The following LTBP1 variants were observed in gnomAD, a reference collection of about 807,000 sequenced individuals.
LTBP1 encodes the protein latent transforming growth factor beta binding protein 1, also known as latent-transforming growth factor beta-binding protein 1.
Under a neutral mutation model 207.6 loss-of-function variants are expected in LTBP1, and 129 were observed. The ratio of observed to expected loss-of-function variants is 0.62; its 90% CI spans 0.54 to 0.72. The LOEUF is 0.72. Ranked by LOEUF, LTBP1 falls within the 30% of genes least tolerant of loss-of-function variation. LTBP1 has a pLI of 0.00. For synonymous variants in LTBP1, 963 were observed against 833.7 expected (o/e 1.16, Z -2.67); for missense variants, 2,281 against 2,217.2 (o/e 1.03, Z -0.58).
intron 3 of LTBP1, among the ~76,000 whole-genome samples, chr2:33,081,792 C>T (rs2078425116): frequency 6.6e-6 from 1 of 151,964 alleles, no homozygotes; most frequent in Non-Finnish European, 1.5e-5. Flanking sequence ...GGGCGGTTAC[C>T]CTCATGCTTT....
intron 7 of LTBP1, among the ~76,000 whole-genome samples, chr2:33,192,464 A>C (rs2088007140): frequency 6.6e-6 from 1 of 151,908 alleles, no homozygotes; most frequent in Admixed American, 6.6e-5. Context: ...AAAACATCAC[A>C]CTCAGACAGA....
intron 24 of LTBP1, among the ~76,000 whole-genome samples, chr2:33,321,548 G>A (rs906298202): frequency 6.6e-6 from 1 of 152,172 alleles, no homozygotes; most frequent in Non-Finnish European, 1.5e-5. Flanking sequence ...TTCTATGAAC[G>A]GGGGAGAATG....
intron 31 of LTBP1, among the ~76,000 whole-genome samples, chr2:33,378,221 G>T (rs866581389): frequency 1.1e-4 from 15 of 140,316 alleles, no homozygotes; most frequent in African/African-American, 3.9e-4. Flanking sequence ...GTGTGTGTGT[G>T]TTTTGTTTGT....
At chr2:32,959,619 ATAT>A (rs1474169851) in intron 2 of LTBP1, among the ~76,000 whole-genome samples, 3 of 48,092 alleles carry the variant, frequency 6.2e-5, no homozygotes, top group East Asian at 1.6e-3. Context: ...ATATATATAT[ATAT>A]TTTTTTTTTT....
At chr2:33,267,307 A>G (rs1295160236) in intron 15 of LTBP1, among the ~76,000 whole-genome samples, 2 of 152,210 alleles carry the variant, frequency 1.3e-5, no homozygotes, top group Non-Finnish European at 2.9e-5. Flanking sequence ...CAGGCCAAGC[A>G]CAGCCTGCTG....
intron 24 of LTBP1, among the ~76,000 whole-genome samples, chr2:33,340,571 T>C (rs1032498239): frequency 1.3e-5 from 2 of 152,144 alleles, no homozygotes; most frequent in East Asian, 1.9e-4. Context: ...GACCGGAAGA[T>C]GATCATGAGA....
In LTBP1 at chr2:33,373,147, C is replaced by T. The variant is rs184177783; in HGVS notation, c.4711+7644C>T. Among the ~76,000 whole-genome samples, 109 of 152,258 alleles carry T rather than the reference C, an allele frequency of 7.2e-4. 1 individual carries two copies. The highest frequency in any genetic ancestry group is 2.5e-3 in the African/African-American group (103 of 41,552). Reference sequence around the variant, plus strand: ...CAACTAGTGTGTTGGGAGAATGCCACCTATTGGCGATGTAATGTACTACAG... The same window carrying T: ...CAACTAGTGTGTTGGGAGAATGCCATCTATTGGCGATGTAATGTACTACAG... On this transcript the variant is annotated intron_variant, in intron 31 of 33. Coordinates refer to ENST00000404816, the MANE Select transcript of LTBP1 (RefSeq NM_206943.4).
intron 5 of LTBP1, among the ~76,000 whole-genome samples, chr2:33,185,542 T>C (rs1168590738): frequency 1.3e-5 from 2 of 151,954 alleles, no homozygotes; most frequent in East Asian, 3.9e-4. Context: ...TGAAGAAGAC[T>C]TCAAGACCAA....
intron 2 of LTBP1, among the ~76,000 whole-genome samples, chr2:33,005,115 C>T (rs957225276): frequency 6.6e-6 from 1 of 152,002 alleles, no homozygotes; most frequent in African/African-American, 2.4e-5. Flanking sequence ...TTAGCAGAAG[C>T]CCTGGAATGA....
At chr2:33,212,641 G>A (rs1184409904) in intron 7 of LTBP1, among the ~76,000 whole-genome samples, 1 of 152,154 alleles carries the variant, frequency 6.6e-6, no homozygotes, top group African/African-American at 2.4e-5. Context: ...CTGTTAAGGA[G>A]CATTAACTGT....
chr2:33,079,189 C>A (rs1312487922), intron 3 of LTBP1, among the ~76,000 whole-genome samples: 1 of 152,106 alleles, frequency 6.6e-6, no homozygotes, highest in African/African-American at 2.4e-5. Context: ...TTGCATCAGG[C>A]ACAGGAGATC....
chr2:33,339,786 C>G (rs892192594), intron 24 of LTBP1, among the ~76,000 whole-genome samples: 2 of 151,840 alleles, frequency 1.3e-5, no homozygotes, highest in African/African-American at 2.4e-5. Flanking sequence ...ACTGGGATTA[C>G]AGTCATGCAC....
chr2:33,109,636 G>A (rs146994396), intron 3 of LTBP1, among the ~76,000 whole-genome samples: 2 of 152,228 alleles, frequency 1.3e-5, no homozygotes, highest in East Asian at 3.9e-4. Flanking sequence ...CTTGACTCGT[G>A]CTATTAAAAA....
intron 3 of LTBP1, chr2:33,056,540 C>T (rs970842303): frequency 3.6e-5 from 20 of 550,856 alleles, no homozygotes; most frequent in African/African-American, 2.0e-4. Flanking sequence ...CCAGATTTGG[C>T]GGGTTCTTGG....
At chr2:33,351,699 A>G (rs1448132103) in intron 26 of LTBP1, among the ~76,000 whole-genome samples, 1 of 152,154 alleles carries the variant, frequency 6.6e-6, no homozygotes, top group East Asian at 1.9e-4. Context: ...CTCATCCCAG[A>G]GTCGTCTTCT....
intron 3 of LTBP1, among the ~76,000 whole-genome samples, chr2:33,039,160 C>G (rs1163504987): frequency 6.6e-6 from 1 of 152,284 alleles, no homozygotes; most frequent in South Asian, 2.1e-4. Flanking sequence ...TAATCCCACT[C>G]TTCTCTTTGA....
intron 3 of LTBP1, among the ~76,000 whole-genome samples, chr2:33,084,508 G>A (rs1164844853): frequency 6.6e-6 from 1 of 152,110 alleles, no homozygotes; most frequent in Non-Finnish European, 1.5e-5. Context: ...CTGGGCTTTA[G>A]GGAACTCTGT....
chr2:33,366,091 T>C (rs76238721), intron 31 of LTBP1, among the ~76,000 whole-genome samples: 4,482 of 152,288 alleles, frequency 0.029, 133 homozygotes, highest in East Asian at 0.19. Context: ...AGCTCCCAGT[T>C]TCATCCCCTC....
rs1374801413 is a variant in LTBP1 at position 33,149,739 on chromosome 2, T to G, written c.1201+14779T>G. Among the ~76,000 whole-genome samples the G allele has an allele frequency of 2.6e-5, 4 of 152,176 alleles. No homozygotes were observed. The South Asian group carries it at 6.2e-4, about 24-fold the overall frequency. On this transcript the variant is annotated intron_variant, in intron 5 of 33. Coordinates refer to ENST00000404816, the MANE Select transcript of LTBP1 (RefSeq NM_206943.4). ...AAACCGTTTAGCACAGGAGGCATTT[T>G]TTTTGCACGTCTCAGAAGTGATCGT...
Sources: gnomAD v4.1 joint callset for allele counts (sites outside exome capture counted in the v4.1 genomes callset) on GRCh38, gnomAD v4.1.1 for gene constraint, MANE v1.5 for transcripts, NCBI Gene and HGNC (gene_info 2026-07-23, HGNC 2026-07-21) for gene names.